The following MDFIC2 variants were observed in gnomAD, a reference collection of about 807,000 sequenced individuals.
MDFIC2 encodes MyoD family inhibitor domain containing 2, also known as myoD family inhibitor domain-containing protein 2.
intron 2 of MDFIC2, among the ~76,000 whole-genome samples, chr3:70,243,002 G>A (rs1251206240): frequency 6.6e-6 from 1 of 152,156 alleles, no homozygotes; most frequent in African/African-American, 2.4e-5. Flanking sequence ...AGAGCAGAAC[G>A]ATATAACCGT....
At chr3:70,246,634 G>T (rs1305314535) in intron 2 of MDFIC2, among the ~76,000 whole-genome samples, 1 of 152,070 alleles carries the variant, frequency 6.6e-6, no homozygotes, top group East Asian at 1.9e-4. Flanking sequence ...CGTATTTAAG[G>T]GGTTGTTGAC....
chr3:70,291,656 T>A (rs1312003167), intron 2 of MDFIC2, among the ~76,000 whole-genome samples: 1 of 152,200 alleles, frequency 6.6e-6, no homozygotes, highest in Non-Finnish European at 1.5e-5. Flanking sequence ...GCTTCACTCA[T>A]AACAGATTTG....
chr3:70,198,495 A>G (rs1281098480), intron 3 of MDFIC2, among the ~76,000 whole-genome samples: 1 of 152,212 alleles, frequency 6.6e-6, no homozygotes, highest in Non-Finnish European at 1.5e-5. Flanking sequence ...CAAATATTTT[A>G]AAGAAAGCCA....
chr3:70,281,328 T>C (rs902480699), intron 2 of MDFIC2, among the ~76,000 whole-genome samples: 3 of 152,158 alleles, frequency 2.0e-5, no homozygotes, highest in Non-Finnish European at 4.4e-5. Context: ...CCTCCTGATC[T>C]TATCCATTCT....
chr3:70,252,116 CT>C (rs1445366065), intron 2 of MDFIC2, among the ~76,000 whole-genome samples: 2 of 152,262 alleles, frequency 1.3e-5, no homozygotes, highest in Non-Finnish European at 2.9e-5. Flanking sequence ...TTGAATTCAG[CT>C]CATATAGATC....
chr3:70,254,746 GAGATATTCTATCACCTCTCCAT>G (rs1387270658), intron 2 of MDFIC2, among the ~76,000 whole-genome samples: 7 of 152,166 alleles, frequency 4.6e-5, no homozygotes, highest in Non-Finnish European at 1.5e-5. Context: ...CTACTCAATA[GAGATATTCTATCACCTCTCCAT>G]AGTAACTAAA....
chr3:70,291,922 T>C (rs1324265295), intron 2 of MDFIC2: 2 of 152,246 alleles, frequency 1.3e-5, no homozygotes, highest in Non-Finnish European at 2.9e-5. Flanking sequence ...CTTACTTAAA[T>C]TGTAACCAAC....
At chr3:70,302,976 G>T (rs1051539313) in intron 2 of MDFIC2, among the ~76,000 whole-genome samples, 1 of 152,080 alleles carries the variant, frequency 6.6e-6, no homozygotes, top group Non-Finnish European at 1.5e-5. Context: ...GAACACAGAA[G>T]ATCTCATCTT....
chr3:70,290,444 G>C (rs1232704003), intron 2 of MDFIC2, among the ~76,000 whole-genome samples: 1 of 152,198 alleles, frequency 6.6e-6, no homozygotes, highest in Non-Finnish European at 1.5e-5. Context: ...CGTACTGGGA[G>C]AACCACTGCT....
chr3:70,245,326 A>G (rs1373214960), intron 2 of MDFIC2, among the ~76,000 whole-genome samples: 1 of 152,068 alleles, frequency 6.6e-6, no homozygotes, highest in Non-Finnish European at 1.5e-5. Context: ...CTCATTGCCT[A>G]AGAGAAAACA....
intron 2 of MDFIC2, among the ~76,000 whole-genome samples, chr3:70,305,992 T>C (rs1233851512): frequency 3.3e-5 from 5 of 152,204 alleles, no homozygotes; most frequent in Non-Finnish European, 7.3e-5. Context: ...CTGATAACCA[T>C]GATAACCAGT....
chr3:70,243,851 T>A (rs1575605161), intron 2 of MDFIC2, among the ~76,000 whole-genome samples: 2 of 152,190 alleles, frequency 1.3e-5, no homozygotes, highest in East Asian at 3.9e-4. Flanking sequence ...TCTAGGAGGA[T>A]ATGTGGAGGA....
intron 2 of MDFIC2, among the ~76,000 whole-genome samples, chr3:70,305,459 T>C (rs980032510): frequency 2.0e-5 from 3 of 152,186 alleles, no homozygotes; most frequent in Non-Finnish European, 4.4e-5. Flanking sequence ...TTAAATGAGA[T>C]ACAAAAAATA....
At chr3:70,231,867 A>G (rs915820720) in intron 2 of MDFIC2, among the ~76,000 whole-genome samples, 1 of 152,074 alleles carries the variant, frequency 6.6e-6, no homozygotes, top group Admixed American at 6.6e-5. Flanking sequence ...GCCTGCTGTG[A>G]TGTGTGCATG....
At position 70,280,444 on chromosome 3, in the gene MDFIC2, A is replaced by G. The variant is rs182347980; in HGVS notation, c.88+31442T>C. Among the ~76,000 whole-genome samples, 548 of 152,250 alleles carry G rather than the reference A, an allele frequency of 3.6e-3. 3 individuals are homozygous for G. The highest frequency in any genetic ancestry group is 0.013 in the African/African-American group (530 of 41,546). ...CCTTGTTTCTTACCCTTACCACCCT[A>G]GGCATGTAACTCTCAAATAAGGCAT... On this transcript the variant is annotated intron_variant, in intron 2 of 3. Transcript: ENST00000567252.
intron 2 of MDFIC2, among the ~76,000 whole-genome samples, chr3:70,311,311 C>T (rs1205147801): frequency 6.6e-6 from 1 of 152,080 alleles, no homozygotes; most frequent in Non-Finnish European, 1.5e-5. Context: ...AGTAAATAAT[C>T]ACAGGTTTAG....
rs1201865026 is a variant in MDFIC2, at chr3:70,195,627, C to CA, written c.*1298dup. 6.6e-6 allele frequency among the ~76,000 whole-genome samples: 1 copy of CA among 152,080 alleles called. No homozygotes were observed. Among genetic ancestry groups the CA allele is most frequent in the Admixed American group, 6.5e-5 (1 of 15,270 alleles). The stretch of plus-strand genomic sequence containing the variant: ...TGTTGCTGTTTCCCTAAATTACACA[C>CA]AAAAAAATTCCCTCAATTCTCCATT... On this transcript the variant is annotated 3_prime_UTR_variant, in exon 4 of 4. Transcript: ENST00000567252.
intron 3 of MDFIC2, chr3:70,205,012 A>G (rs983000472): frequency 6.6e-6 from 1 of 152,100 alleles, no homozygotes; most frequent in Admixed American, 6.6e-5. Context: ...ATTAATCTCT[A>G]CCAAAGCTAG....
chr3:70,212,691 C>G (rs1371179810), intron 2 of MDFIC2, among the ~76,000 whole-genome samples: 2 of 152,118 alleles, frequency 1.3e-5, no homozygotes, highest in Non-Finnish European at 2.9e-5. Flanking sequence ...GGACAATATT[C>G]TTCTCGTCAT....
Sources: allele counts gnomAD v4.1 joint callset (sites outside exome capture counted in the v4.1 genomes callset), GRCh38; gene constraint gnomAD v4.1.1; transcripts MANE v1.5; gene names NCBI Gene and HGNC (gene_info 2026-07-23, HGNC 2026-07-21).